The following GAB3 variants were observed in gnomAD, a reference collection of about 807,000 sequenced individuals.
GAB3 encodes GRB2-associated-binding protein 3.
A neutral mutation model predicts 40.4 loss-of-function variants in GAB3; 12 were observed. The ratio of observed to expected loss-of-function variants is 0.30; its 90% confidence interval spans 0.19 to 0.48. The LOEUF is 0.48. Among genes scored for constraint, GAB3 ranks in the 20% least tolerant of loss-of-function variants. GAB3 has a pLI of 0.99. For missense variants in GAB3, 381 were observed against 461.9 expected (o/e 0.82, Z 1.61); for synonymous variants, 154 against 176.7 (o/e 0.87, Z 1.02).
intron 4 of GAB3, among the ~76,000 whole-genome samples, chrX:154,708,576 A>G (rs2070853718): frequency 8.9e-6 from 1 of 112,433 alleles, no homozygotes; most frequent in African/African-American, 3.2e-5. Context: ...ATCCGAATAG[A>G]CATTTCTCAA....
chrX:154,700,443 G>A (rs782138969), intron 4 of GAB3, among the ~76,000 whole-genome samples: 1 of 110,997 alleles, frequency 9.0e-6, no homozygotes, highest in Admixed American at 9.6e-5. Flanking sequence ...GGGCCCAATT[G>A]AGGTCTGTGA....
chrX:154,723,763 G>A (rs1180031151), intron 1 of GAB3, among the ~76,000 whole-genome samples: 2 of 111,260 alleles, frequency 1.8e-5, no homozygotes, highest in Non-Finnish European at 3.8e-5. Flanking sequence ...TATAGAAAGC[G>A]GAATCACTAT....
intron 4 of GAB3, among the ~76,000 whole-genome samples, chrX:154,710,065 AGTACATAATGCATATGC>A (rs1557255242): frequency 9.0e-6 from 1 of 111,063 alleles, no homozygotes; most frequent in Non-Finnish European, 1.9e-5. Context: ...TGTAATAATC[AGTACATAATGCATATGC>A]ATATCAAATC....
In GAB3 at chrX:154,676,738, A is replaced by G. The variant is rs1557245665; in HGVS notation, c.*1440T>C. ...TACAACTGCCCCAACTGCACTGACT[A>G]TCATGGGCCTGACTGCCAATTTGAT... is the stretch of plus-strand genomic sequence containing the variant. On this transcript the variant is annotated 3_prime_UTR_variant, in exon 10 of 10. Transcript: ENST00000424127. 8.9e-6 allele frequency: 1 copy of G among 112,173 alleles called. No homozygotes were observed. Among genetic ancestry groups the G allele is most frequent in the Non-Finnish European group, 1.9e-5 (1 of 53,214 alleles). The allele number at this position is 112,173 out of a possible 1,213,427, so 9.2% of individuals were successfully genotyped here.
intron 4 of GAB3, among the ~76,000 whole-genome samples, chrX:154,710,520 G>C (rs7876961): frequency 7.1e-5 from 8 of 111,977 alleles, no homozygotes; most frequent in African/African-American, 2.6e-4. Context: ...ATCTATGGCA[G>C]AGGGGGCGCT....
intron 1 of GAB3, among the ~76,000 whole-genome samples, chrX:154,748,727 T>C (rs782645173): frequency 3.8e-3 from 432 of 112,416 alleles, no homozygotes; most frequent in African/African-American, 0.013. Flanking sequence ...AGTTTTGCTA[T>C]GTTACTATTA....
chrX:154,708,833 AT>A (rs1432744136), intron 4 of GAB3, among the ~76,000 whole-genome samples: 1 of 112,180 alleles, frequency 8.9e-6, no homozygotes, highest in Non-Finnish European at 1.9e-5. Context: ...TAACTACCTT[AT>A]GATCCAGCAA....
At chrX:154,700,927 C>T (rs1411332888) in intron 4 of GAB3, among the ~76,000 whole-genome samples, 1 of 110,703 alleles carries the variant, frequency 9.0e-6, no homozygotes, top group Non-Finnish European at 1.9e-5. Flanking sequence ...AGGACAACTC[C>T]CAGCTCGGAA....
At chrX:154,713,550 A>C in intron 2 of GAB3, 124 bp from the exon 3 acceptor site, 1 of 511,441 alleles carries the variant, frequency 2.0e-6, no homozygotes, top group South Asian at 3.0e-5. Flanking sequence ...GTACTGATGG[A>C]GAAGACCATT....
At chrX:154,735,431 G>C (rs1294174517) in intron 1 of GAB3, among the ~76,000 whole-genome samples, 1 of 112,003 alleles carries the variant, frequency 8.9e-6, no homozygotes, top group Non-Finnish European at 1.9e-5. Context: ...AATGCAGACT[G>C]TTCACAAGAC....
chrX:154,715,824 C>T (rs1307726835), intron 2 of GAB3, among the ~76,000 whole-genome samples: 1 of 112,432 alleles, frequency 8.9e-6, no homozygotes, highest in African/African-American at 3.2e-5. Context: ...TCAGTGTGCT[C>T]ATGGACTCTG....
intron 8 of GAB3, among the ~76,000 whole-genome samples, chrX:154,693,203 T>C (rs1283869759): frequency 8.9e-6 from 1 of 111,956 alleles, no homozygotes; most frequent in Non-Finnish European, 1.9e-5. Flanking sequence ...ACAAATATTG[T>C]ATGACTTCAC....
At chrX:154,688,411 C>G (rs2070492608) in intron 8 of GAB3, among the ~76,000 whole-genome samples, 1 of 109,639 alleles carries the variant, frequency 9.1e-6, no homozygotes, top group Non-Finnish European at 1.9e-5. Context: ...TCCCGAGTAG[C>G]TAGGACTACA....
chrX:154,745,481 T>G (rs1557261911), intron 1 of GAB3, among the ~76,000 whole-genome samples: 1 of 110,982 alleles, frequency 9.0e-6, no homozygotes. Context: ...AGGAAAATAA[T>G]AAAGATAAGA....
intron 1 of GAB3, among the ~76,000 whole-genome samples, chrX:154,745,107 G>A (rs1021689878): frequency 8.0e-5 from 9 of 111,836 alleles, no homozygotes; most frequent in Admixed American, 1.9e-4. Flanking sequence ...AAGGTGGGCT[G>A]GATCACTTGA....
chrX:154,697,102 G>T (rs782740930), intron 7 of GAB3, 30 bp downstream of exon 7: 19 of 1,129,747 alleles, frequency 1.7e-5, no homozygotes, highest in Middle Eastern at 2.4e-4. Flanking sequence ...GTCTGTGCTG[G>T]ATGAGGCTCT....
intron 1 of GAB3, among the ~76,000 whole-genome samples, chrX:154,746,840 T>A (rs2071536514): frequency 2.7e-5 from 3 of 112,125 alleles, no homozygotes; most frequent in South Asian, 3.6e-4. Context: ...GGACCTAAAA[T>A]AGCCAAAACA....
chrX:154,720,592 A>G (rs1291088377), intron 1 of GAB3, among the ~76,000 whole-genome samples: 1 of 95,869 alleles, frequency 1.0e-5, no homozygotes, highest in African/African-American at 4.0e-5. Flanking sequence ...GCGCCACTGC[A>G]CTCCAGCCTG....
At chrX:154,703,505 G>A in intron 4 of GAB3, among the ~76,000 whole-genome samples, 1 of 111,074 alleles carries the variant, frequency 9.0e-6, no homozygotes, top group East Asian at 2.8e-4. Context: ...CCTATTGGAG[G>A]GCAGAGAATG....
Sources: allele counts gnomAD v4.1 joint callset (sites outside exome capture counted in the v4.1 genomes callset), GRCh38; gene constraint gnomAD v4.1.1; transcripts MANE v1.5; gene names NCBI Gene and HGNC (gene_info 2026-07-23, HGNC 2026-07-21).